TMEM163: variants seen among roughly 807,000 people sequenced by gnomAD.
The protein encoded by TMEM163 is transmembrane protein 163.
TMEM163 carries 17 observed loss-of-function variants against 29.3 expected under a neutral mutation model. The observed-to-expected ratio is 0.58, with a 90% CI of 0.40 to 0.87. TMEM163 has a LOEUF of 0.87. Among genes scored for constraint, TMEM163 ranks in the 40% least tolerant of loss-of-function variants. The pLI, the probability that TMEM163 is intolerant of heterozygous loss-of-function variation, is 0.00. For missense variants in TMEM163, 303 were observed against 381.5 expected, an observed-to-expected ratio of 0.79 and a Z score of 1.71; for synonymous variants, 157 against 160.6, an observed-to-expected ratio of 0.98 and a Z score of 0.17.
At chr2:134,668,913 A>G (rs1201099905) in intron 2 of TMEM163, among the ~76,000 whole-genome samples, 3 of 152,148 alleles carry the variant, frequency 2.0e-5, no homozygotes, top group Admixed American at 6.5e-5. Context: ...CTGAACAACT[A>G]CAGCATTTCC....
Position 134,656,488 on chromosome 2 carries a change from A to G in TMEM163, c.322+56712T>C, listed in dbSNP as rs543549838. Among the ~76,000 whole-genome samples the G allele has an allele frequency of 6.5e-3, 995 of 152,232 alleles. 8 individuals carry two copies. Among genetic ancestry groups the G allele is most frequent in the African/African-American group, 0.023 (940 of 41,494 alleles). ...GAGAAACCCGGTACCTCAGATGGAA[A>G]TGCAGAAATCACCCGTCTTCTGCGT... On this transcript the variant is annotated intron_variant, in intron 2 of 7. Coordinates refer to ENST00000281924, the MANE Select transcript of TMEM163 (RefSeq NM_030923.5).
intron 2 of TMEM163, among the ~76,000 whole-genome samples, chr2:134,632,812 G>A (rs111496719): frequency 0.043 from 6,476 of 151,350 alleles, 475 homozygotes; most frequent in African/African-American, 0.15. Flanking sequence ...GCGGGATCTC[G>A]GCTCACTGCA....
chr2:134,536,389 A>G (rs1680541060), intron 4 of TMEM163, among the ~76,000 whole-genome samples: 1 of 152,194 alleles, frequency 6.6e-6, no homozygotes, highest in Admixed American at 6.5e-5. Context: ...GGCTGTTTAC[A>G]GCTGTTCTCT....
chr2:134,529,887 G>C (rs1175448355), intron 4 of TMEM163, among the ~76,000 whole-genome samples: 1 of 151,688 alleles, frequency 6.6e-6, no homozygotes, highest in Non-Finnish European at 1.5e-5. Context: ...GGAAAGTTTC[G>C]AGTAACCAAG....
At chr2:134,602,769 C>G (rs1340547714) in intron 2 of TMEM163, among the ~76,000 whole-genome samples, 2 of 152,078 alleles carry the variant, frequency 1.3e-5, no homozygotes, top group Non-Finnish European at 2.9e-5. Context: ...GAAATGCTCT[C>G]TTCCCCAGGC....
At chr2:134,691,041 G>A (rs1356666343) in intron 2 of TMEM163, among the ~76,000 whole-genome samples, 5 of 152,142 alleles carry the variant, frequency 3.3e-5, no homozygotes, top group East Asian at 1.9e-4. Flanking sequence ...TGTGGCTGGC[G>A]GGAATGGTAG....
At position 134,552,055 on chromosome 2, in the gene TMEM163, C is replaced by T; in HGVS notation, c.359G>A (p.Gly120Glu). ...SVMRYSASAF[G>E]FAFDAILDVL... ...ACATTTCAGGTTACTTACTGCAAAC[C>T]CAAAAGCAGAGGCGCTGTACCTCAT... The change falls in exon 3 of 8, where the codon GGG becomes GAG. Residue 120 changes from glycine (G) to glutamate (E), a missense_variant. Gly to Glu is a moderately conservative substitution (Grantham distance 98). This residue lies in a region of TMEM163 where 203 missense variants were observed against 294.3 expected (regional missense o/e 0.69). Coordinates refer to ENST00000281924, the MANE Select transcript of TMEM163 (RefSeq NM_030923.5). 1 of 1,613,292 alleles carries T rather than the reference C, an allele frequency of 6.2e-7. No individual in the cohort carries two copies. The highest frequency in any genetic ancestry group is 8.5e-7 in the Non-Finnish European group (1 of 1,179,748).
At chr2:134,587,918 A>T (rs562108554) in intron 2 of TMEM163, among the ~76,000 whole-genome samples, 2 of 152,388 alleles carry the variant, frequency 1.3e-5, no homozygotes, top group African/African-American at 4.8e-5. Context: ...GTTGTGTAGT[A>T]TGAAAAATAA....
intron 2 of TMEM163, among the ~76,000 whole-genome samples, chr2:134,649,253 C>T (rs1683411049): frequency 6.6e-6 from 1 of 152,172 alleles, no homozygotes; most frequent in Non-Finnish European, 1.5e-5. Flanking sequence ...ACACAGTTTA[C>T]ACAAAACAAA....
chr2:134,496,206 T>A (rs180793464), intron 5 of TMEM163, among the ~76,000 whole-genome samples: 3 of 152,106 alleles, frequency 2.0e-5, no homozygotes, highest in Admixed American at 2.0e-4. Context: ...GGATTACAGG[T>A]GCCCACCACC....
chr2:134,493,989 A>C (rs913529741), intron 5 of TMEM163, among the ~76,000 whole-genome samples: 2 of 152,090 alleles, frequency 1.3e-5, no homozygotes, highest in African/African-American at 2.4e-5. Flanking sequence ...TTAGGAGTAC[A>C]AAGAAAGTAT....
intron 5 of TMEM163, among the ~76,000 whole-genome samples, chr2:134,496,359 G>C (rs1679560798): frequency 6.6e-6 from 1 of 152,146 alleles, no homozygotes; most frequent in African/African-American, 2.4e-5. Flanking sequence ...ACCGCACCAG[G>C]CCGCAAACCT....
intron 2 of TMEM163, among the ~76,000 whole-genome samples, chr2:134,618,880 A>G (rs1410230685): frequency 6.6e-6 from 1 of 152,182 alleles, no homozygotes; most frequent in Non-Finnish European, 1.5e-5. Flanking sequence ...ATAGCATTCA[A>G]TGCTTACATT....
intron 6 of TMEM163, among the ~76,000 whole-genome samples, chr2:134,465,497 G>T (rs1316425294): frequency 1.3e-5 from 2 of 152,164 alleles, no homozygotes; most frequent in Non-Finnish European, 2.9e-5. Flanking sequence ...ACACATCAGT[G>T]ATATCAGCGA....
chr2:134,568,407 A>G (rs1681343378), intron 2 of TMEM163, among the ~76,000 whole-genome samples: 1 of 152,026 alleles, frequency 6.6e-6, no homozygotes, highest in Non-Finnish European at 1.5e-5. Flanking sequence ...GGTGCCTGTA[A>G]TCCCAGCTAC....
chr2:134,612,306 G>A lies in TMEM163; in HGVS notation c.323-60215C>T, dbSNP rs550684382. On this transcript the variant is annotated intron_variant, in intron 2 of 7. Transcript: ENST00000281924. ...CTCTAGTAGTCAAGGCATAAGAAGAGCTGCCTGTAAACTTGAAGATTTAGG... is the reference window on the plus strand; with the variant it reads ...CTCTAGTAGTCAAGGCATAAGAAGAACTGCCTGTAAACTTGAAGATTTAGG... Among the ~76,000 whole-genome samples, 115 of 152,290 alleles carry A rather than the reference G, an allele frequency of 7.6e-4. 6 individuals carry two copies. In the South Asian group the frequency reaches 0.022, roughly 29 times the overall value.
chr2:134,660,774 T>A (rs1683729236), intron 2 of TMEM163, among the ~76,000 whole-genome samples: 1 of 152,210 alleles, frequency 6.6e-6, no homozygotes, highest in Admixed American at 6.5e-5. Flanking sequence ...TAAGTGTGCA[T>A]GCCCCGTGGC....
intron 5 of TMEM163, among the ~76,000 whole-genome samples, chr2:134,491,697 C>T (rs1249763207): frequency 6.6e-6 from 1 of 152,176 alleles, no homozygotes; most frequent in Non-Finnish European, 1.5e-5. Context: ...ACGCCTCTGC[C>T]TACTTCAGAA....
chr2:134,464,404 G>A (rs957651345), intron 6 of TMEM163, among the ~76,000 whole-genome samples: 1 of 152,174 alleles, frequency 6.6e-6, no homozygotes, highest in African/African-American at 2.4e-5. Flanking sequence ...GTGGGCCCAG[G>A]AATCTGTTTT....
Sources: allele counts gnomAD v4.1 joint callset (sites outside exome capture counted in the v4.1 genomes callset), GRCh38; gene constraint gnomAD v4.1.1; regional missense constraint gnomAD v4.1.1; transcripts MANE v1.5; gene names NCBI Gene and HGNC (gene_info 2026-07-23, HGNC 2026-07-21).